ZNG1A: variants seen among roughly 807,000 people sequenced by gnomAD.
The protein encoded by ZNG1A is zinc-regulated GTPase metalloprotein activator 1A.
At chr9:127,126 T>C in the ZNG1A span, among the ~76,000 whole-genome samples, 1 of 152,276 alleles carries the variant, frequency 6.6e-6, no homozygotes, top group East Asian at 1.9e-4. Flanking sequence ...AGAAAGTTCA[T>C]GTGCTGTTGA....
chr9:145,249 G>A, the ZNG1A span, among the ~76,000 whole-genome samples: 3 of 151,134 alleles, frequency 2.0e-5, no homozygotes, highest in African/African-American at 7.4e-5. Flanking sequence ...ACATGCACAC[G>A]TATATTTATT....
the ZNG1A span, among the ~76,000 whole-genome samples, chr9:174,487 A>T: frequency 1.3e-5 from 2 of 152,170 alleles, no homozygotes; most frequent in Non-Finnish European, 2.9e-5. Flanking sequence ...GTGAAAAATA[A>T]AATTGCAAAA....
the ZNG1A span, among the ~76,000 whole-genome samples, chr9:158,999 T>C: frequency 2.0e-5 from 3 of 152,088 alleles, no homozygotes; most frequent in African/African-American, 7.2e-5. Flanking sequence ...TCTATACCAT[T>C]TGGTCATTAA....
At chr9:149,215 T>C in the ZNG1A span, 2 of 151,832 alleles carry the variant, frequency 1.3e-5, no homozygotes, top group Admixed American at 6.6e-5. Flanking sequence ...AAGAGGCATG[T>C]TGCTTTTAAA....
the ZNG1A span, among the ~76,000 whole-genome samples, chr9:155,079 G>C: frequency 6.6e-6 from 1 of 151,520 alleles, no homozygotes; most frequent in Non-Finnish European, 1.5e-5. Context: ...TGCTACTCTT[G>C]TGCTACAAAG....
At chr9:162,731 A>C in the ZNG1A span, among the ~76,000 whole-genome samples, 1 of 151,008 alleles carries the variant, frequency 6.6e-6, no homozygotes, top group Non-Finnish European at 1.5e-5. Context: ...AAATTAAATA[A>C]ATAAGAAAAT....
the ZNG1A span, chr9:147,260 T>A: frequency 7.5e-6 from 1 of 132,930 alleles, no homozygotes; most frequent in Non-Finnish European, 1.6e-5. Flanking sequence ...TTAAAGAAAA[T>A]GACAAATGTA....
At chr9:165,319 T>G in the ZNG1A span, among the ~76,000 whole-genome samples, 4 of 151,336 alleles carry the variant, frequency 2.6e-5, no homozygotes, top group Non-Finnish European at 4.4e-5. Context: ...TTTTTAAAAA[T>G]TCATTGATTT....
chr9:148,329 C>G, the ZNG1A span: 2 of 84,866 alleles, frequency 2.4e-5, no homozygotes, highest in Non-Finnish European at 5.3e-5. Flanking sequence ...TAGACCTGTA[C>G]AACAAATTAC....
At chr9:165,111 G>A in the ZNG1A span, among the ~76,000 whole-genome samples, 2 of 152,124 alleles carry the variant, frequency 1.3e-5, no homozygotes, top group Admixed American at 6.5e-5. Context: ...CTTAGAACTG[G>A]AGCGTGTCAG....
At chr9:141,326 G>C in the ZNG1A span, among the ~76,000 whole-genome samples, 9 of 143,028 alleles carry the variant, frequency 6.3e-5, no homozygotes, top group Non-Finnish European at 6.0e-5. Context: ...AAGCCCATCA[G>C]ACTAACAGCG....
chr9:172,237 C>T, the ZNG1A span: 1 of 1,592,948 alleles, frequency 6.3e-7, no homozygotes, highest in East Asian at 2.2e-5. Flanking sequence ...TTATTATAAA[C>T]ACTTTAAAAT....
the ZNG1A span, chr9:163,907 C>A: frequency 5.8e-3 from 8,096 of 1,386,102 alleles, 445 homozygotes; most frequent in African/African-American, 0.12. Flanking sequence ...GTCTGGGCAA[C>A]AAAGTGAGAC....
chr9:172,120 C>T, the ZNG1A span: 1 of 1,611,180 alleles, frequency 6.2e-7, no homozygotes, highest in Non-Finnish European at 8.5e-7. Context: ...AGTATGTAAT[C>T]AAATTTCCCC....
the ZNG1A span, among the ~76,000 whole-genome samples, chr9:177,039 A>T: frequency 1.3e-5 from 2 of 152,152 alleles, no homozygotes; most frequent in Non-Finnish European, 2.9e-5. Context: ...CATATTCAAT[A>T]GGAGATGCAC....
chr9:156,455 TC>T, the ZNG1A span: 2 of 1,574,608 alleles, frequency 1.3e-6, no homozygotes, highest in Non-Finnish European at 1.7e-6. Context: ...TAGCCAGCAA[TC>T]AATATATACT....
the ZNG1A span, chr9:148,044 T>C: frequency 2.0e-5 from 3 of 147,960 alleles, no homozygotes; most frequent in Non-Finnish European, 4.5e-5. Context: ...TGAGATTCTG[T>C]CTCAAAAAGA....
the ZNG1A span, among the ~76,000 whole-genome samples, chr9:127,303 T>C: frequency 6.6e-6 from 1 of 152,144 alleles, no homozygotes; most frequent in Non-Finnish European, 1.5e-5. Flanking sequence ...TATTATTGTG[T>C]TGCTGTCTGT....
chr9:140,654 G>A, the ZNG1A span, among the ~76,000 whole-genome samples: 45 of 151,848 alleles, frequency 3.0e-4, no homozygotes, highest in African/African-American at 1.0e-3. Flanking sequence ...CCAAAGGAAC[G>A]CAGCTCCTCA....
Sources: allele counts gnomAD v4.1 joint callset (sites outside exome capture counted in the v4.1 genomes callset), GRCh38; gene constraint gnomAD v4.1.1; transcripts MANE v1.5; gene names NCBI Gene and HGNC (gene_info 2026-07-23, HGNC 2026-07-21).